CALM2: variants seen among roughly 807,000 people sequenced by gnomAD.
CALM2 encodes the protein calmodulin 2.
CALM2 carries 2 observed loss-of-function variants against 19.8 expected under a neutral mutation model. The observed-to-expected ratio is 0.10, with a 90% confidence interval of 0.04 to 0.32. The LOEUF (loss-of-function observed/expected upper bound fraction) is 0.32, where lower values mean the gene tolerates loss of function less well. CALM2 is among the 10% of genes least tolerant of loss of function. The pLI is 1.00. For synonymous variants in CALM2, 51 were observed against 52.1 expected (o/e 0.98, Z 0.09); for missense variants, 38 against 178.7 (o/e 0.21, Z 4.49).
intron 1 of CALM2, chr2:47,173,548 C>T (rs1192967571): frequency 1.3e-5 from 2 of 152,226 alleles, no homozygotes; most frequent in African/African-American, 4.8e-5. Context: ...CCCCGTATTA[C>T]ATTAGTGACC....
chr2:47,162,711 T>C (rs762178819), intron 2 of CALM2, 49 bp from the exon 3 acceptor site: 1 of 1,462,652 alleles, frequency 6.8e-7, no homozygotes, highest in South Asian at 1.3e-5. Context: ...AATAATAAAA[T>C]GTAACCTAAA....
intron 1 of CALM2, among the ~76,000 whole-genome samples, chr2:47,175,046 AAAGT>A (rs1347456333): frequency 4.1e-5 from 6 of 147,156 alleles, no homozygotes; most frequent in Admixed American, 2.1e-4. Flanking sequence ...GAGGAACCAC[AAAGT>A]AAGTATCACA....
chr2:47,168,780 A>C (rs995810454), intron 2 of CALM2, among the ~76,000 whole-genome samples: 1 of 39,928 alleles, frequency 2.5e-5, no homozygotes, highest in South Asian at 1.1e-3. Flanking sequence ...CAATAGACAC[A>C]AACTTTTTTT....
chr2:47,176,921 C>A (rs910333221), upstream of CALM2: 2 of 985,460 alleles, frequency 2.0e-6, no homozygotes, highest in Non-Finnish European at 2.4e-6. Flanking sequence ...GCTCGGGCCG[C>A]GCTGTCCTGG....
At chr2:47,161,594 A>C (rs1234777007) in intron 5 of CALM2, 129 bp downstream of exon 5, 1 of 753,288 alleles carries the variant, frequency 1.3e-6, no homozygotes, top group Admixed American at 3.0e-5. Flanking sequence ...TAAGAAGGTT[A>C]AATGTAAGTA....
At chr2:47,162,189 A>C (rs900327424) in intron 4 of CALM2, 97 bp downstream of exon 4, 5 of 470,358 alleles carry the variant, frequency 1.1e-5, no homozygotes, top group South Asian at 7.0e-5. Flanking sequence ...AAAAAAAAAA[A>C]AAAAAAAAAA....
At chr2:47,162,144 G>A (rs1208574992) in intron 4 of CALM2, 142 bp downstream of exon 4, 10 of 399,522 alleles carry the variant, frequency 2.5e-5, no homozygotes, top group Admixed American at 1.8e-4. Context: ...GCTTTTGCTT[G>A]GTAATTAAAA....
At chr2:47,161,125 G>A (rs1389933531) in intron 5 of CALM2, among the ~76,000 whole-genome samples, 1 of 152,094 alleles carries the variant, frequency 6.6e-6, no homozygotes, top group Non-Finnish European at 1.5e-5. Flanking sequence ...CAATGCTATG[G>A]GCTAGGTTTA....
At chr2:47,175,082 T>TTTTTTG (rs1553433865) in intron 1 of CALM2, among the ~76,000 whole-genome samples, 1 of 11,890 alleles carries the variant, frequency 8.4e-5, no homozygotes, top group Non-Finnish European at 2.7e-4. Flanking sequence ...TCATTAGGTG[T>TTTTTTG]TTTTTTTTTT....
At chr2:47,165,068 A>C (rs1343770110) in intron 2 of CALM2, among the ~76,000 whole-genome samples, 1 of 152,182 alleles carries the variant, frequency 6.6e-6, no homozygotes, top group Non-Finnish European at 1.5e-5. Context: ...ACTACTACTC[A>C]TACCAATTTC....
chr2:47,176,774 G>C, upstream of CALM2: 1 of 985,450 alleles, frequency 1.0e-6, no homozygotes, highest in Non-Finnish European at 1.2e-6. Flanking sequence ...GCTACTTTGC[G>C]GCGCGGAGGA....
chr2:47,175,757 C>CAGCTGG (rs1336183146), intron 1 of CALM2, among the ~76,000 whole-genome samples: 1 of 149,936 alleles, frequency 6.7e-6, no homozygotes, highest in Non-Finnish European at 1.5e-5. Context: ...GCCAGCAGAG[C>CAGCTGG]AGCTGGAGCT....
rs1573215311 is a variant in CALM2 at position 47,162,385 on chromosome 2, G to T, written c.186C>A (p.Gly62=). The T allele has an allele frequency of 3.7e-6, 6 of 1,609,146 alleles. No homozygotes were observed. Among genetic ancestry groups the T allele is most frequent in the African/African-American group, 1.3e-5 (1 of 74,838 alleles). Residue 62 remains glycine, a synonymous_variant, in exon 4 of 6, where the codon GGC becomes GGA. Coordinates refer to ENST00000272298, the MANE Select transcript of CALM2 (RefSeq NM_001743.6). ...MINEVDADGN[G]TIDFPEFLTM... is the part of the protein sequence containing the mutation. ...TCAGAAATTCAGGGAAGTCAATTGT[G>T]CCATTACCTGAAATGGTTTAGTGGA...
At chr2:47,162,092 C>T (rs780066065) in intron 4 of CALM2, among the ~76,000 whole-genome samples, 194 bp downstream of exon 4, 10 of 136,776 alleles carry the variant, frequency 7.3e-5, no homozygotes, top group Non-Finnish European at 1.5e-4. Context: ...ACAAGATGAA[C>T]GCAATACATA....
rs1371857630 is a variant in CALM2 at position 47,160,493 on chromosome 2, T to C, written c.*283A>G. The stretch of plus-strand genomic sequence containing the variant: ...TTTAAAAAAGGCATAACCCAGATGT[T>C]CCCTCATTTGACCAACTCCATCTAA... On this transcript the variant is annotated 3_prime_UTR_variant, in exon 6 of 6. Transcript: ENST00000272298. 5 of 306,382 alleles carry C rather than the reference T, an allele frequency of 1.6e-5. No individual in the cohort carries two copies. The highest frequency in any genetic ancestry group is 3.0e-5 in the Non-Finnish European group (5 of 165,816). The allele number at this position is 306,382 out of a possible 1,614,324, so 19.0% of individuals were successfully genotyped here.
chr2:47,163,989 G>T (rs570940369), intron 2 of CALM2: 183 of 152,294 alleles, frequency 1.2e-3, no homozygotes, highest in Non-Finnish European at 2.0e-3. Flanking sequence ...TGTAATCCCA[G>T]CACTTTGGGA....
At position 47,160,626 on chromosome 2, in the gene CALM2, G is replaced by T. The variant is rs879472016; in HGVS notation, c.*150C>A. On this transcript the variant is annotated 3_prime_UTR_variant, in exon 6 of 6. Coordinates refer to ENST00000272298, the MANE Select transcript of CALM2 (RefSeq NM_001743.6). ...TTTAGGACAATGACAGTAAGATAAG[G>T]GAAGAAAACATGGAGGAATGAAGTC... 5 of 516,874 alleles carry T rather than the reference G, an allele frequency of 9.7e-6. No individual in the cohort carries two copies. The highest frequency in any genetic ancestry group is 6.0e-5 in the African/African-American group (3 of 50,150). The allele number at this position is 516,874 out of a possible 1,614,324, so 32.0% of individuals were successfully genotyped here.
chr2:47,170,904 G>A, intron 1 of CALM2, 140 bp from the exon 2 acceptor site: 1 of 722,712 alleles, frequency 1.4e-6, no homozygotes, highest in Admixed American at 2.0e-5. Context: ...GATAGAAAAT[G>A]CACACATCTA....
chr2:47,164,347 AACACACACACACAC>A lies in CALM2; in HGVS notation c.35-1699_35-1686del, dbSNP rs61085424. ...GCCTGTAGTCCCCCGTCTCTACTAA[AACACACACACACAC>A]ACACACACACACACACACACACACA... On this transcript the variant is annotated intron_variant, in intron 2 of 5. Coordinates refer to ENST00000272298, the MANE Select transcript of CALM2 (RefSeq NM_001743.6). Among the ~76,000 whole-genome samples, 41 of 139,892 alleles carry A rather than the reference AACACACACACACAC, an allele frequency of 2.9e-4. No individual in the cohort carries two copies. In the East Asian group the frequency reaches 4.4e-3, roughly 15 times the overall value. The allele number at this position is 139,892 out of a possible 152,430, so 91.8% of individuals were successfully genotyped here. A position where few individuals can be genotyped will look rare whatever the true frequency, so the allele number is the denominator to read the frequency against.
Sources: allele counts gnomAD v4.1 joint callset (sites outside exome capture counted in the v4.1 genomes callset), GRCh38; gene constraint gnomAD v4.1.1; transcripts MANE v1.5; gene names NCBI Gene and HGNC (gene_info 2026-07-23, HGNC 2026-07-21).